GOLGA1: variants seen among roughly 807,000 people sequenced by gnomAD.
The protein encoded by GOLGA1 is golgin subfamily A member 1.
Under a neutral mutation model 119.7 loss-of-function variants are expected in GOLGA1, and 63 were observed. That is an observed-to-expected ratio of 0.53 (90% CI 0.43 to 0.65). The LOEUF (loss-of-function observed/expected upper bound fraction) is 0.65, where lower values mean the gene tolerates loss of function less well. GOLGA1 is among the 30% of genes least tolerant of loss of function. GOLGA1 has a pLI of 0.00. For missense variants in GOLGA1, 798 were observed against 912.8 expected, an observed-to-expected ratio of 0.87 and a Z score of 1.62; for synonymous variants, 318 against 333.4, an observed-to-expected ratio of 0.95 and a Z score of 0.50.
At chr9:124,935,817 T>C (rs1269665385) in intron 3 of GOLGA1, among the ~76,000 whole-genome samples, 1 of 151,398 alleles carries the variant, frequency 6.6e-6, no homozygotes, top group African/African-American at 2.4e-5. Flanking sequence ...GTTGACTGAT[T>C]GGACACCAAG....
intron 8 of GOLGA1, among the ~76,000 whole-genome samples, chr9:124,922,550 CA>C (rs537417274): frequency 0.045 from 2,212 of 49,274 alleles, 11 homozygotes; most frequent in Non-Finnish European, 0.052. Flanking sequence ...GACTCTATCT[CA>C]AAAAAAAAAA....
intron 19 of GOLGA1, among the ~76,000 whole-genome samples, chr9:124,887,145 C>T (rs1380617360): frequency 1.3e-5 from 2 of 152,184 alleles, no homozygotes; most frequent in African/African-American, 2.4e-5. Context: ...ACAGACCCGA[C>T]GCTGAACAAG....
chr9:124,926,851 A>C (rs1830684137), intron 6 of GOLGA1, 110 bp from the exon 7 acceptor site: 3 of 604,876 alleles, frequency 5.0e-6, no homozygotes, highest in South Asian at 5.0e-5. Context: ...CTAACCAAAC[A>C]AAACAAAAAA....
chr9:124,932,765 G>C (rs988449751), intron 3 of GOLGA1, among the ~76,000 whole-genome samples: 2 of 152,130 alleles, frequency 1.3e-5, no homozygotes, highest in Non-Finnish European at 2.9e-5. Context: ...CCAAAATTAA[G>C]GTGCCAGCAG....
chr9:124,894,080 G>C (rs1465886413), intron 15 of GOLGA1, among the ~76,000 whole-genome samples: 1 of 152,188 alleles, frequency 6.6e-6, no homozygotes, highest in African/African-American at 2.4e-5. Context: ...CTAATGGTCA[G>C]CTCTTTGTCT....
At chr9:124,889,405 G>C (rs765869924) in intron 17 of GOLGA1, 29 bp downstream of exon 17, 2 of 1,592,712 alleles carry the variant, frequency 1.3e-6, no homozygotes, top group South Asian at 1.1e-5. Context: ...GAAAAGGAGA[G>C]AAGGCTCAGC....
chr9:124,880,926 G>A lies in GOLGA1; in HGVS notation c.2223+245C>T, dbSNP rs865814481. ...CCAGACCTGGGGCTCTCGATAAAGC[G>A]CTATCAATGAAAATGCTTTGAAAAA... On this transcript the variant is annotated intron_variant, in intron 22 of 22. Transcript: ENST00000373555. Among the ~76,000 whole-genome samples, 4 of 152,322 alleles carry A rather than the reference G, an allele frequency of 2.6e-5. No homozygotes were observed. In the South Asian group the frequency reaches 8.3e-4, roughly 32 times the overall value.
chr9:124,897,009 C>T (rs890097720), intron 15 of GOLGA1, among the ~76,000 whole-genome samples: 4 of 152,176 alleles, frequency 2.6e-5, no homozygotes, highest in Middle Eastern at 6.3e-3. Context: ...GCCATGCTCT[C>T]CCCTGGCCAC....
intron 3 of GOLGA1, among the ~76,000 whole-genome samples, chr9:124,937,701 CTTTATTTT>C (rs567041311): frequency 1.5e-3 from 230 of 151,916 alleles, no homozygotes; most frequent in African/African-American, 5.2e-3. Context: ...AAAAGCCACA[CTTTATTTT>C]TTAAGCATGA....
intron 5 of GOLGA1, among the ~76,000 whole-genome samples, chr9:124,928,765 T>C (rs958609562): frequency 3.3e-5 from 5 of 152,238 alleles, no homozygotes; most frequent in Non-Finnish European, 7.3e-5. Context: ...AACATCTTTC[T>C]TGGATGGTAC....
chr9:124,942,269 TCAAA>T (rs1432498194), upstream of GOLGA1, among the ~76,000 whole-genome samples: 4 of 152,100 alleles, frequency 2.6e-5, no homozygotes, highest in Non-Finnish European at 2.9e-5. Flanking sequence ...AAACTCTATC[TCAAA>T]CAAAAAGTCA....
chr9:124,923,029 T>A (rs1830601109), intron 8 of GOLGA1, 66 bp downstream of exon 8: 1 of 1,038,286 alleles, frequency 9.6e-7, no homozygotes, highest in South Asian at 1.4e-5. Context: ...TAGAGAGTGA[T>A]GACTAGTAAA....
intron 6 of GOLGA1, among the ~76,000 whole-genome samples, chr9:124,927,040 C>T (rs536847325): frequency 1.3e-5 from 2 of 152,170 alleles, no homozygotes; most frequent in East Asian, 3.9e-4. Flanking sequence ...TCTGATGCAG[C>T]TTTTTGGCTT....
chr9:124,889,184 C>A lies in GOLGA1; in HGVS notation c.1720G>T (p.Gly574Cys). The A allele has an allele frequency of 6.2e-7, 1 of 1,612,550 alleles. No individual in the cohort carries two copies. The highest frequency in any genetic ancestry group is 1.1e-5 in the South Asian group (1 of 91,010). ...GAGAGTGCTTCGGCCTGCAATGGGCCCCGCAGCCTCAGCAGGTCCTCCTGC... is the reference window on the plus strand; with the variant it reads ...GAGAGTGCTTCGGCCTGCAATGGGCACCGCAGCCTCAGCAGGTCCTCCTGC... Reference protein sequence around the residue: ...AEQEDLLRLRGPLQAEALSVN... With the variant: ...AEQEDLLRLRCPLQAEALSVN... Residue 574 changes from glycine (G) to cysteine (C), a missense_variant, in exon 18 of 23, where the codon GGC becomes TGC. By Grantham distance (159) the Gly-to-Cys change is radical. Transcript: ENST00000373555.
rs1174876602 is a variant in GOLGA1, at chr9:124,899,195, C to CA, written c.1311+133dup. 63 of 755,180 alleles carry CA rather than the reference C, an allele frequency of 8.3e-5. 1 individual carries two copies. The Admixed American group carries it at 1.1e-3, about 14-fold the overall frequency. The allele number at this position is 755,180 out of a possible 1,614,324, so 46.8% of individuals were successfully genotyped here. A position where few individuals can be genotyped will look rare whatever the true frequency, so the allele number is the denominator to read the frequency against. On this transcript the variant is annotated intron_variant, in intron 14 of 22. Coordinates refer to ENST00000373555, the MANE Select transcript of GOLGA1 (RefSeq NM_002077.4). ...TGGGTGACAGAGTGAGACCCTGTCTCAAACAAAAAAAAAGCTGCCTTCTAA... is the reference window on the plus strand; with the variant it reads ...TGGGTGACAGAGTGAGACCCTGTCTCAAAACAAAAAAAAAGCTGCCTTCTAA...
At chr9:124,928,948 G>A (rs1156679406) in intron 5 of GOLGA1, among the ~76,000 whole-genome samples, 1 of 152,020 alleles carries the variant, frequency 6.6e-6, no homozygotes, top group Non-Finnish European at 1.5e-5. Flanking sequence ...AAAACCTGAG[G>A]GTAGCCTAAA....
At chr9:124,901,135 C>A (rs757236618) in intron 12 of GOLGA1, among the ~76,000 whole-genome samples, 2 of 151,820 alleles carry the variant, frequency 1.3e-5, no homozygotes, top group Non-Finnish European at 2.9e-5. Flanking sequence ...CCATGCCCAG[C>A]TAATTTTTTG....
At chr9:124,909,608 C>CAAAAAAAAA (rs58372596) in intron 11 of GOLGA1, among the ~76,000 whole-genome samples, 1 of 87,286 alleles carries the variant, frequency 1.1e-5, no homozygotes, top group African/African-American at 4.3e-5. Flanking sequence ...GACTCCGTCT[C>CAAAAAAAAA]AAAAAAAAAA....
chr9:124,943,855 T>TTCTTAGC (rs1831098631), upstream of GOLGA1: 4 of 152,206 alleles, frequency 2.6e-5, no homozygotes, highest in Non-Finnish European at 5.9e-5. Flanking sequence ...GTCCTGAAAT[T>TTCTTAGC]ACAATAATTC....
Sources: allele counts gnomAD v4.1 joint callset (sites outside exome capture counted in the v4.1 genomes callset), GRCh38; gene constraint gnomAD v4.1.1; transcripts MANE v1.5; gene names NCBI Gene and HGNC (gene_info 2026-07-23, HGNC 2026-07-21).